The following RAD51B variants were observed in gnomAD, a reference collection of about 807,000 sequenced individuals.
RAD51B encodes RAD51 paralog B.
RAD51B carries 38 observed loss-of-function variants against 42.2 expected under a neutral mutation model. That is an observed-to-expected ratio of 0.90 (90% CI 0.70 to 1.18). The LOEUF (loss-of-function observed/expected upper bound fraction) is 1.18, where lower values mean the gene tolerates loss of function less well. RAD51B is among the 50% of genes most tolerant of loss of function. The pLI, the probability that RAD51B is intolerant of heterozygous loss-of-function variation, is 0.00. For missense variants in RAD51B, 373 were observed against 400.7 expected (o/e 0.93, Z 0.59); for synonymous variants, 154 against 145.2 (o/e 1.06, Z -0.43).
At chr14:68,526,158 G>A (rs941951099) in intron 10 of RAD51B, among the ~76,000 whole-genome samples, 1 of 152,212 alleles carries the variant, frequency 6.6e-6, no homozygotes, top group Non-Finnish European at 1.5e-5. Flanking sequence ...CTATAAAAAT[G>A]TTCATTGTTG....
intron 5 of RAD51B, among the ~76,000 whole-genome samples, chr14:67,881,645 A>C (rs2042910475): frequency 6.6e-6 from 1 of 152,210 alleles, no homozygotes; most frequent in African/African-American, 2.4e-5. Flanking sequence ...CCTCTGGAGC[A>C]AACTGAGGTG....
chr14:68,116,607 T>C (rs1595421063), intron 7 of RAD51B, among the ~76,000 whole-genome samples: 1 of 152,308 alleles, frequency 6.6e-6, no homozygotes, highest in Non-Finnish European at 1.5e-5. Context: ...ATTGTGAACC[T>C]TTAAGTTTTA....
intron 7 of RAD51B, among the ~76,000 whole-genome samples, chr14:68,106,898 A>G (rs1444100568): frequency 1.3e-5 from 2 of 151,898 alleles, no homozygotes; most frequent in Admixed American, 1.3e-4. Context: ...CCATAAATAT[A>G]TTGTTTCTAA....
chr14:68,109,179 A>G (rs2077423043), intron 7 of RAD51B, among the ~76,000 whole-genome samples: 1 of 151,962 alleles, frequency 6.6e-6, no homozygotes, highest in Admixed American at 6.6e-5. Context: ...TGCATTCTCT[A>G]TTATTCATGG....
intron 7 of RAD51B, chr14:68,000,234 A>C (rs943978762): frequency 2.0e-5 from 3 of 152,120 alleles, no homozygotes; most frequent in Non-Finnish European, 2.9e-5. Context: ...CGATCATTTC[A>C]TTAATATTAA....
chr14:68,204,173 T>C (rs1960412377), intron 7 of RAD51B, among the ~76,000 whole-genome samples: 1 of 152,248 alleles, frequency 6.6e-6, no homozygotes, highest in South Asian at 2.1e-4. Context: ...AGCTAAATTA[T>C]CTCTAACTTT....
chr14:68,597,992 T>A (rs1431138355), downstream of RAD51B, among the ~76,000 whole-genome samples: 1 of 152,088 alleles, frequency 6.6e-6, no homozygotes, highest in African/African-American at 2.4e-5. Flanking sequence ...CTCCTGGGAT[T>A]TGTTAAAGTG....
At chr14:68,673,992 C>CAT (rs1256879405) in intron 11 of RAD51B, among the ~76,000 whole-genome samples, 9 of 152,056 alleles carry the variant, frequency 5.9e-5, no homozygotes, top group South Asian at 2.1e-4. Flanking sequence ...ACTGTACACA[C>CAT]ATATATATAC....
chr14:68,514,256 C>G (rs1877970527), intron 10 of RAD51B, among the ~76,000 whole-genome samples: 1 of 152,128 alleles, frequency 6.6e-6, no homozygotes, highest in African/African-American at 2.4e-5. Flanking sequence ...CTTACCAACC[C>G]TCAGCTGACC....
At chr14:68,536,656 A>G (rs961228355) in intron 10 of RAD51B, among the ~76,000 whole-genome samples, 1 of 152,226 alleles carries the variant, frequency 6.6e-6, no homozygotes, top group Non-Finnish European at 1.5e-5. Flanking sequence ...ATTTTCCTTA[A>G]GTCTTCAAAA....
At chr14:68,033,279 A>G (rs768446179) in intron 7 of RAD51B, among the ~76,000 whole-genome samples, 30 of 152,218 alleles carry the variant, frequency 2.0e-4, no homozygotes, top group Non-Finnish European at 3.5e-4. Flanking sequence ...TTAACTTTGA[A>G]TATTTCTTTA....
At chr14:68,140,221 A>G (rs1362415112) in intron 7 of RAD51B, among the ~76,000 whole-genome samples, 1 of 152,356 alleles carries the variant, frequency 6.6e-6, no homozygotes, top group African/African-American at 2.4e-5. Context: ...ACACAAGACC[A>G]AACACTGAAG....
chr14:68,301,427 G>A (rs1018349828), intron 8 of RAD51B, among the ~76,000 whole-genome samples: 2 of 152,092 alleles, frequency 1.3e-5, no homozygotes, highest in Admixed American at 1.3e-4. Flanking sequence ...ACCAAGGGGT[G>A]GATCCAAGGC....
At chr14:68,631,472 A>T (rs553853932) in intron 10 of RAD51B, among the ~76,000 whole-genome samples, 15 of 152,148 alleles carry the variant, frequency 9.9e-5, no homozygotes, top group African/African-American at 3.1e-4. Context: ...TCCCTTGGGG[A>T]GTCACTACAG....
chr14:68,242,198 C>T (rs958209712), intron 7 of RAD51B, among the ~76,000 whole-genome samples: 2 of 152,218 alleles, frequency 1.3e-5, no homozygotes, highest in African/African-American at 4.8e-5. Flanking sequence ...TTGTTTTCTT[C>T]ACTTTAGACT....
At chr14:68,336,385 G>A (rs1042683421) in intron 8 of RAD51B, among the ~76,000 whole-genome samples, 1 of 152,128 alleles carries the variant, frequency 6.6e-6, no homozygotes, top group Non-Finnish European at 1.5e-5. Flanking sequence ...TACATCTGTG[G>A]TAATGATTAT....
At chr14:68,474,475 A>G (rs1882387854) in intron 10 of RAD51B, among the ~76,000 whole-genome samples, 1 of 152,226 alleles carries the variant, frequency 6.6e-6, no homozygotes, top group African/African-American at 2.4e-5. Context: ...AGTTAACTAT[A>G]TAATAGTTCC....
At position 68,374,258 on chromosome 14, in the gene RAD51B, C is replaced by T. The variant is rs1566841056; in HGVS notation, c.854-37166C>T. ...GTCTCACTCTGGCACATAATAGGTG[C>T]TCAGAAAAAAAATGATTGAATGAAT... On this transcript the variant is annotated intron_variant, in intron 8 of 10. Coordinates refer to ENST00000471583, the MANE Select transcript of RAD51B (RefSeq NM_133510.4). Among the ~76,000 whole-genome samples the T allele has an allele frequency of 2.0e-5, 3 of 152,118 alleles. No homozygotes were observed. The South Asian group carries it at 6.2e-4, about 32-fold the overall frequency.
intron 7 of RAD51B, among the ~76,000 whole-genome samples, chr14:68,283,059 G>C (rs1566783372): frequency 6.6e-6 from 1 of 152,140 alleles, no homozygotes; most frequent in Non-Finnish European, 1.5e-5. Flanking sequence ...CTGTTTTCTT[G>C]GCCTCAAATG....
Sources: allele counts gnomAD v4.1 joint callset (sites outside exome capture counted in the v4.1 genomes callset), GRCh38; gene constraint gnomAD v4.1.1; transcripts MANE v1.5; gene names NCBI Gene and HGNC (gene_info 2026-07-23, HGNC 2026-07-21).